Variants in KCNMB4 observed in about 807,000 individuals in gnomAD.
KCNMB4 encodes the protein potassium calcium-activated channel subfamily M regulatory beta subunit 4.
In KCNMB4, 3 loss-of-function variants were observed where a neutral mutation model predicts 20.7. The observed-to-expected ratio is 0.14, with a 90% CI of 0.07 to 0.37. The LOEUF is 0.37. Ranked by LOEUF, KCNMB4 falls within the 10% of genes least tolerant of loss-of-function variation. The probability of loss-of-function intolerance (pLI) is 1.00; values close to 1 mark genes in which losing one functional copy is unlikely to be tolerated. For missense variants in KCNMB4, 168 were observed against 265.9 expected (o/e 0.63, Z 2.56); for synonymous variants, 110 against 113.4 (o/e 0.97, Z 0.19).
rs1883498022 is a variant in KCNMB4 at position 70,366,670 on chromosome 12, T to G, written c.-65T>G. On this transcript the variant is annotated 5_prime_UTR_variant, in exon 1 of 3. Coordinates refer to ENST00000258111, the MANE Select transcript of KCNMB4 (RefSeq NM_014505.6). ...CGGCGGCTCCTCCCGCCCGAGGCAG[T>G]CGGGCTCGGCGCCGGGGGCGGGAGG... The G allele has an allele frequency of 2.4e-6, 3 of 1,229,672 alleles. No homozygotes were observed. The highest frequency in any genetic ancestry group is 2.1e-5 in the South Asian group (1 of 48,492). 76.2% of individuals were successfully genotyped at this position (1,229,672 alleles called of 1,614,324 possible).
intron 1 of KCNMB4, 69 bp downstream of exon 1, chr12:70,367,139 C>A: frequency 7.8e-7 from 1 of 1,276,508 alleles, no homozygotes; most frequent in Non-Finnish European, 1.1e-6. Flanking sequence ...GTGTTAGACT[C>A]CGCGCGGGGA....
chr12:70,400,749 A>G (rs899553938), intron 2 of KCNMB4, among the ~76,000 whole-genome samples: 1 of 152,208 alleles, frequency 6.6e-6, no homozygotes, highest in Non-Finnish European at 1.5e-5. Context: ...AGTTTATACC[A>G]TATAAACCAT....
At chr12:70,385,888 A>G (rs1283481474) in intron 1 of KCNMB4, among the ~76,000 whole-genome samples, 1 of 152,204 alleles carries the variant, frequency 6.6e-6, no homozygotes, top group Non-Finnish European at 1.5e-5. Context: ...AAAGCTGTCA[A>G]CGAACTACAA....
intron 1 of KCNMB4, among the ~76,000 whole-genome samples, chr12:70,395,550 C>T (rs1252534040): frequency 2.0e-5 from 3 of 152,048 alleles, no homozygotes; most frequent in African/African-American, 7.2e-5. Flanking sequence ...TCTTGACAAA[C>T]CCTAACATAT....
At chr12:70,430,208 T>C (rs3825188) in intron 2 of KCNMB4, among the ~76,000 whole-genome samples, 21,186 of 152,092 alleles carry the variant, frequency 0.14, 1,611 homozygotes, top group South Asian at 0.25. Context: ...TTAAGTAACT[T>C]AGAATGAAGA....
chr12:70,413,788 A>C (rs1236589948), intron 2 of KCNMB4, among the ~76,000 whole-genome samples: 1 of 152,216 alleles, frequency 6.6e-6, no homozygotes, highest in Non-Finnish European at 1.5e-5. Flanking sequence ...CTCCATTTTT[A>C]AACGTTTTTA....
intron 1 of KCNMB4, among the ~76,000 whole-genome samples, chr12:70,391,822 G>A (rs556908693): frequency 6.6e-6 from 1 of 152,286 alleles, no homozygotes; most frequent in South Asian, 2.1e-4. Context: ...AAGTCACACT[G>A]AATCATTGCT....
At chr12:70,405,068 GAGA>G (rs1213307762) in intron 2 of KCNMB4, among the ~76,000 whole-genome samples, 3 of 152,132 alleles carry the variant, frequency 2.0e-5, no homozygotes, top group Admixed American at 1.3e-4. Flanking sequence ...GTATTTTAAG[GAGA>G]AGAAGTTAGT....
chr12:70,389,939 G>C (rs971738959), intron 1 of KCNMB4, among the ~76,000 whole-genome samples: 1 of 152,186 alleles, frequency 6.6e-6, no homozygotes, highest in Non-Finnish European at 1.5e-5. Context: ...GTATAGATCA[G>C]AGTTCTATTT....
chr12:70,400,792 G>T (rs1868429331), intron 2 of KCNMB4, among the ~76,000 whole-genome samples: 2 of 152,026 alleles, frequency 1.3e-5, no homozygotes, highest in African/African-American at 4.8e-5. Flanking sequence ...GGGCACTTTG[G>T]TACCCACTCA....
chr12:70,390,946 T>G (rs2136124704), intron 1 of KCNMB4, among the ~76,000 whole-genome samples: 1 of 152,292 alleles, frequency 6.6e-6, no homozygotes, highest in East Asian at 1.9e-4. Context: ...CCCTTTCTGC[T>G]CTATACTACT....
At chr12:70,397,923 A>C (rs1868369812) in intron 1 of KCNMB4, among the ~76,000 whole-genome samples, 1 of 152,184 alleles carries the variant, frequency 6.6e-6, no homozygotes, top group East Asian at 1.9e-4. Flanking sequence ...AAATTGGGAA[A>C]TTTCTCCTTC....
chr12:70,376,711 A>T (rs932008491), intron 1 of KCNMB4, among the ~76,000 whole-genome samples: 29 of 143,516 alleles, frequency 2.0e-4, no homozygotes, highest in African/African-American at 6.9e-4. Context: ...TACAAAAATT[A>T]AAAAAAAACA....
At chr12:70,372,997 G>A (rs1447964763) in intron 1 of KCNMB4, among the ~76,000 whole-genome samples, 1 of 152,198 alleles carries the variant, frequency 6.6e-6, no homozygotes, top group Non-Finnish European at 1.5e-5. Context: ...AGCTGTGTGA[G>A]TGTGGGGTGT....
intron 2 of KCNMB4, among the ~76,000 whole-genome samples, chr12:70,421,027 G>A (rs1271594827): frequency 6.7e-6 from 1 of 149,586 alleles, no homozygotes; most frequent in African/African-American, 2.5e-5. Flanking sequence ...ACTCCAGCCT[G>A]GGCGACGTAG....
intron 2 of KCNMB4, among the ~76,000 whole-genome samples, chr12:70,404,496 A>G (rs1868541213): frequency 6.6e-6 from 1 of 152,248 alleles, no homozygotes; most frequent in Non-Finnish European, 1.5e-5. Context: ...AAAAAGTTAA[A>G]TAACTTCTCC....
intron 1 of KCNMB4, among the ~76,000 whole-genome samples, chr12:70,394,078 C>T (rs1315991642): frequency 6.6e-6 from 1 of 152,162 alleles, no homozygotes; most frequent in East Asian, 1.9e-4. Flanking sequence ...ACTATTACTA[C>T]ACTGCTTGCT....
At chr12:70,379,816 T>C (rs1883753353) in intron 1 of KCNMB4, among the ~76,000 whole-genome samples, 1 of 152,226 alleles carries the variant, frequency 6.6e-6, no homozygotes, top group African/African-American at 2.4e-5. Flanking sequence ...CTTCATAAAA[T>C]TAAAGAGGGT....
intron 1 of KCNMB4, among the ~76,000 whole-genome samples, chr12:70,374,539 T>C (rs1395453457): frequency 6.6e-6 from 1 of 152,222 alleles, no homozygotes; most frequent in Non-Finnish European, 1.5e-5. Context: ...ATTGTACTTG[T>C]GAGTTGTAAT....
Sources: gnomAD v4.1 joint callset for allele counts (sites outside exome capture counted in the v4.1 genomes callset) on GRCh38, gnomAD v4.1.1 for gene constraint, MANE v1.5 for transcripts, NCBI Gene and HGNC (gene_info 2026-07-23, HGNC 2026-07-21) for gene names.